CPEB1: variants seen among roughly 807,000 people sequenced by gnomAD.
CPEB1 encodes the protein cytoplasmic polyadenylation element binding protein 1, also known as cytoplasmic polyadenylation element-binding protein 1.
A neutral mutation model predicts 65.8 loss-of-function variants in CPEB1; 7 were observed. That is an observed-to-expected ratio of 0.11 (90% confidence interval 0.06 to 0.20). CPEB1 has a LOEUF of 0.20. Ranked by LOEUF, CPEB1 falls within the 10% of genes least tolerant of loss-of-function variation. CPEB1 has a pLI of 1.00. For synonymous variants in CPEB1, 262 were observed against 260.0 expected (o/e 1.01, Z -0.08); for missense variants, 551 against 712.2 (o/e 0.77, Z 2.58).
intron 3 of CPEB1, among the ~76,000 whole-genome samples, chr15:82,587,914 T>C (rs1176712148): frequency 6.8e-6 from 1 of 147,360 alleles, no homozygotes; most frequent in Admixed American, 6.7e-5. Flanking sequence ...CCAAATTTTG[T>C]TTTGTTTTGT....
chr15:82,571,828 C>T (rs1391444052), intron 3 of CPEB1: 50 of 1,184,238 alleles, frequency 4.2e-5, no homozygotes, highest in Non-Finnish European at 5.0e-5. Flanking sequence ...CCGGCTGAGC[C>T]GTGCAATAGA....
At position 82,597,832 on chromosome 15, in the gene CPEB1, AC is replaced by A. The variant is rs1265969461; in HGVS notation, c.272-26301del. On this transcript the variant is annotated intron_variant, in intron 3 of 12. Coordinates refer to ENST00000684509, the MANE Select transcript of CPEB1 (RefSeq NM_001365242.1). The stretch of plus-strand genomic sequence containing the variant: ...TGAGACCCTGTCTCAAAAAACAAAA[AC>A]CAGCAAGACAGATGGATTCAAAGTG... Among the ~76,000 whole-genome samples the A allele has an allele frequency of 7.9e-5, 12 of 152,344 alleles. No homozygotes were observed. The East Asian group carries it at 2.1e-3, about 27-fold the overall frequency.
At chr15:82,590,271 ACT>A (rs200714496) in intron 3 of CPEB1, among the ~76,000 whole-genome samples, 2,612 of 150,506 alleles carry the variant, frequency 0.017, 31 homozygotes, top group Non-Finnish European at 0.025. Context: ...TCCTAAGAAA[ACT>A]CTGTAATTCA....
intron 3 of CPEB1, among the ~76,000 whole-genome samples, chr15:82,588,277 C>T (rs570758602): frequency 7.2e-4 from 109 of 152,008 alleles, no homozygotes; most frequent in Non-Finnish European, 1.2e-3. Flanking sequence ...AAGTTCATCC[C>T]CACATTAAGA....
intron 6 of CPEB1, among the ~76,000 whole-genome samples, chr15:82,555,407 C>T (rs1198286907): frequency 2.0e-5 from 3 of 152,210 alleles, no homozygotes; most frequent in African/African-American, 4.8e-5. Flanking sequence ...TTCCCCAGTG[C>T]ATCCCTGACT....
chr15:82,579,841 A>G (rs1430034971), intron 3 of CPEB1, among the ~76,000 whole-genome samples: 1 of 141,072 alleles, frequency 7.1e-6, no homozygotes, highest in Non-Finnish European at 1.5e-5. Flanking sequence ...GAACCCGGGA[A>G]GCGGAGCTTG....
At chr15:82,589,994 T>A (rs1451376682) in intron 3 of CPEB1, among the ~76,000 whole-genome samples, 6 of 152,146 alleles carry the variant, frequency 3.9e-5, no homozygotes, top group African/African-American at 7.2e-5. Context: ...ATTTGTGGAT[T>A]TGGGTTATGC....
intron 3 of CPEB1, among the ~76,000 whole-genome samples, chr15:82,580,218 G>A (rs1415603993): frequency 6.6e-6 from 1 of 151,508 alleles, no homozygotes; most frequent in South Asian, 2.1e-4. Flanking sequence ...TTGCTCGAGA[G>A]GCTGAGGCAG....
intron 3 of CPEB1, among the ~76,000 whole-genome samples, chr15:82,622,017 T>C (rs1315781974): frequency 1.3e-5 from 2 of 152,190 alleles, no homozygotes; most frequent in Non-Finnish European, 2.9e-5. Flanking sequence ...TAATGATGTT[T>C]CACCACTTTT....
chr15:82,605,577 G>C (rs942701382), intron 3 of CPEB1, among the ~76,000 whole-genome samples: 1 of 151,988 alleles, frequency 6.6e-6, no homozygotes, highest in Non-Finnish European at 1.5e-5. Context: ...AAGTATGTGA[G>C]GTAATGAATA....
At chr15:82,629,986 A>C (rs538732883) in intron 1 of CPEB1, 3 of 985,460 alleles carry the variant, frequency 3.0e-6, no homozygotes, top group Non-Finnish European at 3.6e-6. Context: ...CAAGCTCTCT[A>C]GAGTGGTGCC....
intron 3 of CPEB1, among the ~76,000 whole-genome samples, chr15:82,610,217 C>T (rs2043998862): frequency 6.6e-6 from 1 of 152,156 alleles, no homozygotes; most frequent in African/African-American, 2.4e-5. Context: ...TATTAGTCAT[C>T]AACAAACTTC....
At chr15:82,566,123 C>T (rs1272251177) in intron 4 of CPEB1, among the ~76,000 whole-genome samples, 1 of 152,174 alleles carries the variant, frequency 6.6e-6, no homozygotes, top group African/African-American at 2.4e-5. Flanking sequence ...AAGCCTTCCC[C>T]AAGAGTACAA....
chr15:82,628,872 G>A (rs2163545), intron 1 of CPEB1: 3,406 of 169,466 alleles, frequency 0.02, 127 homozygotes, highest in African/African-American at 0.076. Context: ...CTACTTTATC[G>A]TAAGAATACG....
intron 4 of CPEB1, among the ~76,000 whole-genome samples, chr15:82,561,771 T>C (rs556180077): frequency 6.6e-6 from 1 of 152,324 alleles, no homozygotes; most frequent in African/African-American, 2.4e-5. Flanking sequence ...CTTTGTCAAA[T>C]TCCTGTACAA....
chr15:82,614,931 C>A (rs2044568670), intron 3 of CPEB1, among the ~76,000 whole-genome samples: 1 of 151,600 alleles, frequency 6.6e-6, no homozygotes, highest in African/African-American at 2.4e-5. Flanking sequence ...TCTTTATATA[C>A]CCACACTATC....
chr15:82,548,813 T>C, intron 10 of CPEB1: 2 of 403,200 alleles, frequency 5.0e-6, no homozygotes, highest in South Asian at 3.5e-5. Flanking sequence ...TCAGTGTGGG[T>C]GTGAAGACTA....
chr15:82,644,465 T>C (rs2151395442), intron 1 of CPEB1, among the ~76,000 whole-genome samples: 1 of 152,340 alleles, frequency 6.6e-6, no homozygotes, highest in East Asian at 1.9e-4. Context: ...CCAAAACGGA[T>C]GTTTTAAGAC....
chr15:82,618,829 A>G (rs1367320362), intron 3 of CPEB1, among the ~76,000 whole-genome samples: 1 of 152,264 alleles, frequency 6.6e-6, no homozygotes, highest in South Asian at 2.1e-4. Context: ...GCAAAGGGAT[A>G]TATCAACTTC....
Sources: allele counts gnomAD v4.1 joint callset (sites outside exome capture counted in the v4.1 genomes callset), GRCh38; gene constraint gnomAD v4.1.1; transcripts MANE v1.5; gene names NCBI Gene and HGNC (gene_info 2026-07-23, HGNC 2026-07-21).